OTUB2: variants seen among roughly 807,000 people sequenced by gnomAD.
The protein encoded by OTUB2 is OTU deubiquitinase, ubiquitin aldehyde binding 2, also known as ubiquitin thioesterase OTUB2.
A neutral mutation model predicts 25.1 loss-of-function variants in OTUB2; 21 were observed. The ratio of observed to expected loss-of-function variants is 0.84; its 90% CI spans 0.59 to 1.21. The LOEUF (loss-of-function observed/expected upper bound fraction) is 1.21. OTUB2 is among the 50% of genes most tolerant of loss of function. OTUB2 has a pLI of 0.00. For missense variants in OTUB2, 283 were observed against 298.0 expected, an observed-to-expected ratio of 0.95 and a Z score of 0.37; for synonymous variants, 122 against 122.8, an observed-to-expected ratio of 0.99 and a Z score of 0.04.
Position 94,048,329 on chromosome 14 carries a change from A to G in OTUB2, c.*2407A>G, listed in dbSNP as rs1885319489. On this transcript the variant is annotated 3_prime_UTR_variant, in exon 6 of 6. Transcript: ENST00000203664. The stretch of plus-strand genomic sequence containing the variant: ...TGTTTATTATGATACTTTCTCTCCA[A>G]AGGAAACTTTTAAATCAATGGGAAC... 1 of 152,198 alleles carries G rather than the reference A, an allele frequency of 6.6e-6. No homozygotes were observed. Among genetic ancestry groups the G allele is most frequent in the Admixed American group, 6.5e-5 (1 of 15,288 alleles). 9.4% of individuals were successfully genotyped at this position (152,198 alleles called of 1,614,324 possible). A position where few individuals can be genotyped will look rare whatever the true frequency, so the allele number is the denominator to read the frequency against.
chr14:94,040,590 G>C (rs1232627608), intron 3 of OTUB2, among the ~76,000 whole-genome samples: 2 of 152,162 alleles, frequency 1.3e-5, no homozygotes, highest in Non-Finnish European at 2.9e-5. Context: ...CCCAGCGCCT[G>C]CATTTCTCTC....
chr14:94,026,440 A>T lies in OTUB2; in HGVS notation c.-98A>T. On this transcript the variant is annotated 5_prime_UTR_variant, in exon 1 of 6. Coordinates refer to ENST00000203664, the MANE Select transcript of OTUB2 (RefSeq NM_023112.4). ...CCCCCACGCCCTCGAGGTCCCCGCC[A>T]CCGAACCAGCGGCGGAGCCCGCCCG... 7.6e-7 allele frequency: 1 copy of T among 1,308,766 alleles called. No individual in the cohort carries two copies. The highest frequency in any genetic ancestry group is 9.7e-7 in the Non-Finnish European group (1 of 1,028,126). 81.1% of individuals were successfully genotyped at this position (1,308,766 alleles called of 1,614,324 possible).
chr14:94,030,663 A>G (rs888007338), intron 1 of OTUB2, among the ~76,000 whole-genome samples: 2 of 152,144 alleles, frequency 1.3e-5, no homozygotes, highest in Non-Finnish European at 2.9e-5. Context: ...CAATGGCCCC[A>G]ATGATGTCCA....
chr14:94,038,878 G>C, intron 2 of OTUB2, 85 bp from the exon 3 acceptor site: 1 of 1,166,032 alleles, frequency 8.6e-7, no homozygotes, highest in Non-Finnish European at 1.3e-6. Context: ...TGGGAGAGAT[G>C]GGGGGCACCT....
At chr14:94,036,900 C>T (rs1885065311) in intron 1 of OTUB2, among the ~76,000 whole-genome samples, 1 of 152,146 alleles carries the variant, frequency 6.6e-6, no homozygotes. Context: ...GACTGTGAGC[C>T]TTGTGGGTGA....
At chr14:94,032,829 A>T (rs1884987398) in intron 1 of OTUB2, among the ~76,000 whole-genome samples, 1 of 152,210 alleles carries the variant, frequency 6.6e-6, no homozygotes, top group South Asian at 2.1e-4. Flanking sequence ...ACCTGAAAAA[A>T]TTCCTTCCTG....
intron 3 of OTUB2, among the ~76,000 whole-genome samples, chr14:94,042,056 C>T (rs1431206274): frequency 4.0e-5 from 6 of 151,566 alleles, no homozygotes; most frequent in African/African-American, 7.2e-5. Context: ...AGTGCTGCTG[C>T]AGGGCTGGAG....
chr14:94,046,559 G>GAT lies in OTUB2; in HGVS notation c.*637_*638insAT. 6.5e-6 allele frequency: 1 copy of GAT among 153,050 alleles called. No homozygotes were observed. Among genetic ancestry groups the GAT allele is most frequent in the Admixed American group, 6.5e-5 (1 of 15,388 alleles). The allele number at this position is 153,050 out of a possible 1,614,324, so 9.5% of individuals were successfully genotyped here. A position where few individuals can be genotyped will look rare whatever the true frequency, so the allele number is the denominator to read the frequency against. ...AAGGGGCCTTTAGCCTTTAGTAGGA[G>GAT]CTCAAATTGTTGGGGCCCCTCTACC... On this transcript the variant is annotated 3_prime_UTR_variant, in exon 6 of 6. Coordinates refer to ENST00000203664, the MANE Select transcript of OTUB2 (RefSeq NM_023112.4).
At chr14:94,032,206 G>A (rs533206227) in intron 1 of OTUB2, among the ~76,000 whole-genome samples, 1 of 152,242 alleles carries the variant, frequency 6.6e-6, no homozygotes, top group Non-Finnish European at 1.5e-5. Context: ...AATTACATCT[G>A]GGACCACTGG....
chr14:94,043,904 GCA>G (rs1885209598), intron 3 of OTUB2, 65 bp from the exon 4 acceptor site: 2 of 1,430,196 alleles, frequency 1.4e-6, no homozygotes, highest in African/African-American at 2.8e-5. Flanking sequence ...AGAGGGGGAC[GCA>G]CAGTTGCCAA....
intron 1 of OTUB2, among the ~76,000 whole-genome samples, chr14:94,034,603 C>T (rs904357489): frequency 5.9e-5 from 9 of 152,158 alleles, no homozygotes; most frequent in South Asian, 2.1e-4. Context: ...ATAATGGGGA[C>T]GTGTCAGCCT....
At chr14:94,034,020 GGAAT>G (rs1182481517) in intron 1 of OTUB2, among the ~76,000 whole-genome samples, 1 of 152,154 alleles carries the variant, frequency 6.6e-6, no homozygotes, top group African/African-American at 2.4e-5. Flanking sequence ...AAATGAAAAT[GGAAT>G]GATTTTAAGC....
At chr14:94,027,068 A>C (rs1292904889) in intron 1 of OTUB2, among the ~76,000 whole-genome samples, 1 of 152,200 alleles carries the variant, frequency 6.6e-6, no homozygotes, top group Non-Finnish European at 1.5e-5. Context: ...GTCAGGACCC[A>C]CCTAGAGAGG....
At position 94,043,962 on chromosome 14, in the gene OTUB2, CCT is replaced by C. The variant is rs1484985348; in HGVS notation, c.219-6_219-5del. The C allele has an allele frequency of 9.9e-6, 16 of 1,613,312 alleles. No individual in the cohort carries two copies. The highest frequency in any genetic ancestry group is 1.3e-5 in the Non-Finnish European group (15 of 1,179,316). ...TTCCCTGTAAACACTCAGTCTTCCC[CCT>C]CTGTAGGTTCAAAGAACGCGTACTG... On this transcript the variant is annotated splice_region_variant and splice_polypyrimidine_tract_variant and intron_variant, in intron 3 of 5. Coordinates refer to ENST00000203664, the MANE Select transcript of OTUB2 (RefSeq NM_023112.4).
intron 1 of OTUB2, among the ~76,000 whole-genome samples, chr14:94,028,443 C>G (rs1019996439): frequency 6.6e-6 from 1 of 152,178 alleles, no homozygotes; most frequent in African/African-American, 2.4e-5. Flanking sequence ...AAGGGCGCCC[C>G]GTGGAAGACA....
In OTUB2 at chr14:94,045,763, G is replaced by A. The variant is rs17129442; in HGVS notation, c.546G>A (p.Ala182=). 7,489 of 1,614,164 alleles carry A rather than the reference G, an allele frequency of 4.6e-3. 271 individuals are homozygous for A. In the African/African-American group the frequency reaches 0.082, roughly 18 times the overall value. Residue 182 remains alanine, a synonymous_variant, in exon 6 of 6, where the codon GCG becomes GCA. Transcript: ENST00000203664. ...ATECDHIQIT[A]LSQALSIALQ... ...AGTGTGACCACATCCAGATCACGGC[G>A]TTGTCGCAGGCCCTGAGCATTGCCC...
At chr14:94,027,471 C>T (rs1773028521) in intron 1 of OTUB2, among the ~76,000 whole-genome samples, 1 of 152,228 alleles carries the variant, frequency 6.6e-6, no homozygotes, top group Non-Finnish European at 1.5e-5. Flanking sequence ...GTTCAAGTCT[C>T]ACTTCCACCT....
Position 94,044,490 on chromosome 14 carries a change from G to A in OTUB2, c.304-96G>A, listed in dbSNP as rs544486436. 274 of 1,256,132 alleles carry A rather than the reference G, an allele frequency of 2.2e-4. No individual in the cohort carries two copies. The African/African-American group carries it at 3.3e-3, about 15-fold the overall frequency. The allele number at this position is 1,256,132 out of a possible 1,614,324, so 77.8% of individuals were successfully genotyped here. A position where few individuals can be genotyped will look rare whatever the true frequency, so the allele number is the denominator to read the frequency against. Reference sequence around the variant, plus strand: ...TGAGAATCTACAAATGAAAATGCACGTGAGGGCTTCACGCGAAGGGAGGGA... The same window carrying A: ...TGAGAATCTACAAATGAAAATGCACATGAGGGCTTCACGCGAAGGGAGGGA... On this transcript the variant is annotated intron_variant, in intron 4 of 5. Coordinates refer to ENST00000203664, the MANE Select transcript of OTUB2 (RefSeq NM_023112.4).
chr14:94,037,665 A>AT (rs34432698), intron 2 of OTUB2, among the ~76,000 whole-genome samples, 190 bp downstream of exon 2: 20 of 150,254 alleles, frequency 1.3e-4, no homozygotes, highest in African/African-American at 2.2e-4. Context: ...AAAAAAAAGG[A>AT]TTTTTTTTTG....
Sources: gnomAD v4.1 joint callset for allele counts (sites outside exome capture counted in the v4.1 genomes callset) on GRCh38, gnomAD v4.1.1 for gene constraint, MANE v1.5 for transcripts, NCBI Gene and HGNC (gene_info 2026-07-23, HGNC 2026-07-21) for gene names.